Variants in UNC13C observed in about 807,000 individuals in gnomAD.
UNC13C encodes protein unc-13 homolog C.
UNC13C carries 174 observed loss-of-function variants against 245.4 expected under a neutral mutation model. The observed-to-expected ratio is 0.71, with a 90% CI of 0.63 to 0.80. UNC13C has a LOEUF of 0.80. Ranked by LOEUF, UNC13C falls within the 30% of genes least tolerant of loss-of-function variation. The probability of loss-of-function intolerance (pLI) is 0.00; values close to 1 mark genes in which losing one functional copy is unlikely to be tolerated. For synonymous variants in UNC13C, 992 were observed against 895.1 expected, an observed-to-expected ratio of 1.11 and a Z score of -1.93; for missense variants, 2,829 against 2,602.9, an observed-to-expected ratio of 1.09 and a Z score of -1.89.
At chr15:54,043,803 T>C (rs971890610) in intron 2 of UNC13C, among the ~76,000 whole-genome samples, 1 of 152,212 alleles carries the variant, frequency 6.6e-6, no homozygotes, top group African/African-American at 2.4e-5. Flanking sequence ...TGGGTCCTGG[T>C]TTGATAGATG....
chr15:54,075,725 T>C (rs1450758886), intron 2 of UNC13C, among the ~76,000 whole-genome samples: 3 of 152,168 alleles, frequency 2.0e-5, no homozygotes, highest in African/African-American at 7.2e-5. Flanking sequence ...GCCAACTGCA[T>C]TGCAACTTAT....
chr15:53,879,942 C>A, the UNC13C span, among the ~76,000 whole-genome samples: 1 of 138,992 alleles, frequency 7.2e-6, no homozygotes, highest in Non-Finnish European at 1.6e-5. Flanking sequence ...TATCATGCTG[C>A]GTGTGTGTGT....
At chr15:54,261,710 A>AT (rs1195400269) in intron 8 of UNC13C, among the ~76,000 whole-genome samples, 11 of 152,046 alleles carry the variant, frequency 7.2e-5, no homozygotes, top group Middle Eastern at 3.4e-3. Flanking sequence ...CGCCTGGCTA[A>AT]TTTTTTTGTA....
chr15:54,402,297 A>G (rs1040948497), intron 18 of UNC13C, among the ~76,000 whole-genome samples: 20 of 152,306 alleles, frequency 1.3e-4, no homozygotes, highest in Admixed American at 3.3e-4. Context: ...GAATTTTAAA[A>G]CAGATCAAGT....
At chr15:54,175,874 G>T (rs892591796) in intron 4 of UNC13C, among the ~76,000 whole-genome samples, 1 of 152,092 alleles carries the variant, frequency 6.6e-6, no homozygotes, top group African/African-American at 2.4e-5. Flanking sequence ...TATAAAACTG[G>T]TTATGAGGTT....
the UNC13C span, among the ~76,000 whole-genome samples, chr15:53,939,186 A>C: frequency 1.3e-5 from 2 of 152,190 alleles, no homozygotes; most frequent in Non-Finnish European, 2.9e-5. Context: ...AATACACACA[A>C]CCATCAGAGA....
At chr15:54,115,536 G>C (rs144601166) in intron 2 of UNC13C, among the ~76,000 whole-genome samples, 116 of 151,708 alleles carry the variant, frequency 7.6e-4, no homozygotes, top group African/African-American at 2.6e-3. Context: ...ATATTTTGGG[G>C]GTACATGTAA....
intron 24 of UNC13C, among the ~76,000 whole-genome samples, chr15:54,513,256 G>A (rs1428235478): frequency 2.0e-5 from 3 of 152,182 alleles, no homozygotes; most frequent in East Asian, 3.9e-4. Context: ...TTTCATGTGG[G>A]AAATATTATC....
At chr15:53,908,862 C>G in the UNC13C span, among the ~76,000 whole-genome samples, 2 of 144,322 alleles carry the variant, frequency 1.4e-5, no homozygotes, top group African/African-American at 2.5e-5. Context: ...TGTTATGGCA[C>G]AAATGATACA....
At chr15:54,197,196 G>T (rs1389160700) in intron 4 of UNC13C, among the ~76,000 whole-genome samples, 2 of 152,080 alleles carry the variant, frequency 1.3e-5, no homozygotes, top group African/African-American at 4.8e-5. Flanking sequence ...AGTACATTTG[G>T]CTGGGCACAG....
chr15:54,164,313 A>G (rs1193297231), intron 4 of UNC13C, among the ~76,000 whole-genome samples: 1 of 152,196 alleles, frequency 6.6e-6, no homozygotes, highest in African/African-American at 2.4e-5. Flanking sequence ...TTTTTAAAAA[A>G]TTGTAGTAGC....
chr15:54,546,476 A>G (rs1259188999), intron 26 of UNC13C, among the ~76,000 whole-genome samples: 1 of 152,166 alleles, frequency 6.6e-6, no homozygotes, highest in Non-Finnish European at 1.5e-5. Context: ...AATGGGAAAA[A>G]AGTTATTTAT....
chr15:54,460,766 A>G (rs1891801548), intron 19 of UNC13C, among the ~76,000 whole-genome samples: 1 of 152,214 alleles, frequency 6.6e-6, no homozygotes, highest in East Asian at 1.9e-4. Flanking sequence ...ATGTTCTTGC[A>G]GTGGTCCTTG....
At chr15:54,576,917 C>G (rs546553589) in intron 30 of UNC13C, among the ~76,000 whole-genome samples, 1 of 152,240 alleles carries the variant, frequency 6.6e-6, no homozygotes, top group South Asian at 2.1e-4. Context: ...AGTTATAGAA[C>G]AAATGAATGC....
intron 17 of UNC13C, among the ~76,000 whole-genome samples, chr15:54,372,622 A>G (rs1454706848): frequency 6.6e-6 from 1 of 152,208 alleles, no homozygotes. Context: ...GAATCATACT[A>G]AATATGTTTT....
At chr15:54,146,560 C>G (rs1178303035) in intron 4 of UNC13C, among the ~76,000 whole-genome samples, 3 of 152,128 alleles carry the variant, frequency 2.0e-5, no homozygotes, top group African/African-American at 7.2e-5. Flanking sequence ...AAAGTTCAGA[C>G]AGGCTCTGGG....
chr15:54,473,423 C>T (rs946236894), intron 19 of UNC13C, among the ~76,000 whole-genome samples: 5 of 151,808 alleles, frequency 3.3e-5, no homozygotes, highest in East Asian at 1.9e-4. Flanking sequence ...TAGTTACCCC[C>T]GCTGTGCTGG....
intron 19 of UNC13C, among the ~76,000 whole-genome samples, chr15:54,458,466 TAGTGCTATC>T (rs958453787): frequency 1.3e-5 from 2 of 152,238 alleles, no homozygotes; most frequent in African/African-American, 4.8e-5. Context: ...ATGACCTGCC[TAGTGCTATC>T]AGTGGAGTTG....
intron 4 of UNC13C, among the ~76,000 whole-genome samples, chr15:54,152,225 G>A (rs1379923920): frequency 1.3e-5 from 2 of 152,088 alleles, no homozygotes; most frequent in East Asian, 3.9e-4. Context: ...GCCAGTGCTG[G>A]TACTCACTTC....
Sources: allele counts gnomAD v4.1 joint callset (sites outside exome capture counted in the v4.1 genomes callset), GRCh38; gene constraint gnomAD v4.1.1; transcripts MANE v1.5; gene names NCBI Gene and HGNC (gene_info 2026-07-23, HGNC 2026-07-21).